The following AKR1C8 variants were observed in gnomAD, a reference collection of about 807,000 sequenced individuals.
AKR1C8 encodes aldo-keto reductase family 1 member C-like protein 1.
At chr10:5,127,514 T>A in the AKR1C8 span, among the ~76,000 whole-genome samples, 5 of 150,614 alleles carry the variant, frequency 3.3e-5, no homozygotes, top group East Asian at 9.9e-4. Flanking sequence ...AGGTCAGGAG[T>A]TCAAGATCAG....
chr10:5,174,096 T>C, the AKR1C8 span, among the ~76,000 whole-genome samples: 1 of 152,024 alleles, frequency 6.6e-6, no homozygotes, highest in African/African-American at 2.4e-5. Flanking sequence ...AATCTATTTT[T>C]GTCTTCCAAC....
the AKR1C8 span, among the ~76,000 whole-genome samples, chr10:5,167,469 T>C: frequency 6.6e-6 from 1 of 152,132 alleles, no homozygotes; most frequent in Non-Finnish European, 1.5e-5. Flanking sequence ...AAATTATAAG[T>C]TCATGTCCTT....
chr10:5,164,241 G>C, the AKR1C8 span, among the ~76,000 whole-genome samples: 1 of 152,110 alleles, frequency 6.6e-6, no homozygotes, highest in Non-Finnish European at 1.5e-5. Context: ...CTTTCTCCAA[G>C]TCCACTCAAC....
chr10:5,130,384 A>AG, the AKR1C8 span, among the ~76,000 whole-genome samples: 6 of 152,074 alleles, frequency 3.9e-5, no homozygotes, highest in African/African-American at 1.4e-4. Flanking sequence ...CAATTTTACC[A>AG]CTTCTGTTAA....
At chr10:5,141,559 GAAC>G in the AKR1C8 span, among the ~76,000 whole-genome samples, 10 of 152,066 alleles carry the variant, frequency 6.6e-5, no homozygotes, top group Non-Finnish European at 1.3e-4. Context: ...TGTATTTTAT[GAAC>G]AATAAGACTT....
the AKR1C8 span, among the ~76,000 whole-genome samples, chr10:5,116,901 G>C: frequency 1.4e-4 from 22 of 152,168 alleles, no homozygotes; most frequent in Non-Finnish European, 5.9e-5. Context: ...CGTAGCATTC[G>C]TATGTGTGAT....
the AKR1C8 span, among the ~76,000 whole-genome samples, chr10:5,143,189 A>G: frequency 6.6e-6 from 1 of 152,096 alleles, no homozygotes; most frequent in African/African-American, 2.4e-5. Flanking sequence ...CAACCCTTCT[A>G]TTAGCTGACG....
the AKR1C8 span, among the ~76,000 whole-genome samples, chr10:5,172,233 T>C: frequency 6.6e-6 from 1 of 152,122 alleles, no homozygotes; most frequent in Non-Finnish European, 1.5e-5. Flanking sequence ...ATAAATTCTC[T>C]TTTATAAAAT....
the AKR1C8 span, among the ~76,000 whole-genome samples, chr10:5,115,992 C>T: frequency 6.6e-6 from 1 of 152,110 alleles, no homozygotes; most frequent in Admixed American, 6.5e-5. Flanking sequence ...ATACAAGCAC[C>T]TCAGCAGGTC....
chr10:5,117,212 G>A, the AKR1C8 span, among the ~76,000 whole-genome samples: 22 of 151,446 alleles, frequency 1.5e-4, no homozygotes, highest in South Asian at 2.1e-4. Flanking sequence ...TTAATTCACC[G>A]CTTAACCACT....
At chr10:5,123,830 A>T in the AKR1C8 span, 1 of 1,606,584 alleles carries the variant, frequency 6.2e-7, no homozygotes, top group South Asian at 1.1e-5. Context: ...CCTGCAGATG[A>T]CAAAGATAGA....
the AKR1C8 span, among the ~76,000 whole-genome samples, chr10:5,116,760 G>A: frequency 6.6e-6 from 1 of 152,174 alleles, no homozygotes; most frequent in Non-Finnish European, 1.5e-5. Context: ...CAGGGATGTA[G>A]GACATCAAAG....
At chr10:5,180,643 T>G in the AKR1C8 span, among the ~76,000 whole-genome samples, 1 of 152,228 alleles carries the variant, frequency 6.6e-6, no homozygotes, top group Non-Finnish European at 1.5e-5. Flanking sequence ...TCTGCTCCAG[T>G]TCGAGCTTCC....
chr10:5,132,118 A>C, the AKR1C8 span, among the ~76,000 whole-genome samples: 1 of 152,196 alleles, frequency 6.6e-6, no homozygotes, highest in African/African-American at 2.4e-5. Context: ...ATAAGTGGGA[A>C]CTAAGCTATG....
chr10:5,138,367 G>C, the AKR1C8 span, among the ~76,000 whole-genome samples: 2 of 151,972 alleles, frequency 1.3e-5, no homozygotes, highest in Non-Finnish European at 2.9e-5. Context: ...CTACTTGCAC[G>C]TCCATTTATA....
the AKR1C8 span, among the ~76,000 whole-genome samples, chr10:5,130,480 T>TA: frequency 6.6e-6 from 1 of 151,950 alleles, no homozygotes; most frequent in South Asian, 2.1e-4. Context: ...TAGAGGAAGT[T>TA]AAAGTATTGC....
At chr10:5,181,720 A>C in the AKR1C8 span, among the ~76,000 whole-genome samples, 5 of 152,216 alleles carry the variant, frequency 3.3e-5, no homozygotes, top group Middle Eastern at 3.2e-3. Context: ...TGTCAATCAT[A>C]ATTAAGGTTA....
chr10:5,137,469 T>A, the AKR1C8 span, among the ~76,000 whole-genome samples: 1 of 151,842 alleles, frequency 6.6e-6, no homozygotes, highest in Non-Finnish European at 1.5e-5. Context: ...AAACGTAATC[T>A]ATCACATAAA....
the AKR1C8 span, among the ~76,000 whole-genome samples, chr10:5,125,317 C>G: frequency 6.6e-6 from 1 of 152,068 alleles, no homozygotes; most frequent in Non-Finnish European, 1.5e-5. Flanking sequence ...TTGGTACTTC[C>G]TTAGATATAA....
Sources: gnomAD v4.1 joint callset for allele counts (sites outside exome capture counted in the v4.1 genomes callset) on GRCh38, gnomAD v4.1.1 for gene constraint, MANE v1.5 for transcripts, NCBI Gene and HGNC (gene_info 2026-07-23, HGNC 2026-07-21) for gene names.